The following PCDH15 variants were observed in gnomAD, a reference collection of about 807,000 sequenced individuals.
PCDH15 encodes the protein protocadherin related 15, also known as protocadherin-15.
PCDH15 carries 129 observed loss-of-function variants against 178.5 expected under a neutral mutation model. The observed-to-expected ratio is 0.72, with a 90% CI of 0.63 to 0.84. The LOEUF (loss-of-function observed/expected upper bound fraction) is 0.84. Among genes scored for constraint, PCDH15 ranks in the 40% least tolerant of loss-of-function variants. The probability of loss-of-function intolerance (pLI) is 0.00; values close to 1 mark genes in which losing one functional copy is unlikely to be tolerated. For missense variants in PCDH15, 2,230 were observed against 2,099.9 expected (o/e 1.06, Z -1.21); for synonymous variants, 800 against 732.0 (o/e 1.09, Z -1.50).
At chr10:54,874,039 G>T in intron 3 of PCDH15, among the ~76,000 whole-genome samples, 2 of 122,652 alleles carry the variant, frequency 1.6e-5, no homozygotes, top group Non-Finnish European at 1.7e-5. Flanking sequence ...AGTTACATAT[G>T]TATACATGTG....
Position 55,315,125 on chromosome 10 carries a change from A to G in PCDH15, c.-156+4474T>C, listed in dbSNP as rs569957431. On this transcript the variant is annotated intron_variant, in intron 1 of 5. Coordinates refer to the PCDH15 transcript ENST00000458638. ...AGTTAATATATATGTGAACATACTTATTTGTCATATACTTACTGTACTTTC... is the reference window on the plus strand; with the variant it reads ...AGTTAATATATATGTGAACATACTTGTTTGTCATATACTTACTGTACTTTC... Among the ~76,000 whole-genome samples the G allele has an allele frequency of 2.0e-5, 3 of 152,212 alleles. No individual in the cohort carries two copies. The South Asian group carries it at 6.2e-4, about 32-fold the overall frequency.
At chr10:55,383,367 G>A (rs1005116143) in intron 2 of PCDH15, among the ~76,000 whole-genome samples, 20 of 152,072 alleles carry the variant, frequency 1.3e-4, no homozygotes, top group African/African-American at 4.8e-4. Flanking sequence ...GGTTTTTATG[G>A]GTAGCGGATG....
chr10:54,210,954 T>C (rs776458696), intron 10 of PCDH15, among the ~76,000 whole-genome samples: 2 of 152,084 alleles, frequency 1.3e-5, no homozygotes, highest in Non-Finnish European at 2.9e-5. Context: ...TTTGAAGAAC[T>C]GAGAGACAGT....
intron 2 of PCDH15, among the ~76,000 whole-genome samples, chr10:54,618,773 T>C (rs2093264983): frequency 6.6e-6 from 1 of 151,596 alleles, no homozygotes; most frequent in Non-Finnish European, 1.5e-5. Flanking sequence ...ATTACAAAAG[T>C]ATGTGCCTTA....
chr10:54,024,778 C>T (rs180916354), intron 18 of PCDH15, among the ~76,000 whole-genome samples: 19 of 152,148 alleles, frequency 1.2e-4, no homozygotes, highest in Non-Finnish European at 2.1e-4. Flanking sequence ...ATTTGTCTTA[C>T]GAATTATTGA....
intron 1 of PCDH15, among the ~76,000 whole-genome samples, chr10:55,261,394 C>A (rs1353697417): frequency 2.6e-5 from 4 of 152,048 alleles, no homozygotes; most frequent in Non-Finnish European, 5.9e-5. Context: ...CATGTGTGGC[C>A]ATTCTTGTAC....
In PCDH15 at chr10:54,550,944, C is replaced by A. The variant is rs73260168; in HGVS notation, c.92-23067G>T. ...GCTGAGGTGGGAGGATCACTTGAGG[C>A]CAGGAGTTCATGACCAACCTGGCAA... On this transcript the variant is annotated intron_variant, in intron 2 of 37. Transcript: ENST00000644397. Among the ~76,000 whole-genome samples, 891 of 151,708 alleles carry A rather than the reference C, an allele frequency of 5.9e-3. 8 individuals carry two copies. Among genetic ancestry groups the A allele is most frequent in the African/African-American group, 0.02 (835 of 41,420 alleles).
Position 54,004,566 on chromosome 10 carries a change from A to C in PCDH15, c.2752-8801T>G, listed in dbSNP as rs185214620. On this transcript the variant is annotated intron_variant, in intron 20 of 37. Transcript: ENST00000644397. ...TAAAGTAATCCCATGTAAAACAGCT[A>C]CAATTAAAATAAAATACCTAGGAAT... 1.4e-3 allele frequency among the ~76,000 whole-genome samples: 210 copies of C among 152,196 alleles called. 3 individuals are homozygous for C. In the South Asian group the frequency reaches 0.019, roughly 14 times the overall value.
chr10:55,437,898 C>A (rs908568466), intron 2 of PCDH15, among the ~76,000 whole-genome samples: 1 of 131,036 alleles, frequency 7.6e-6, no homozygotes, highest in Admixed American at 8.9e-5. Flanking sequence ...AGTGCAATGG[C>A]GTGATCTCGG....
rs571079489 is a variant in PCDH15 at position 54,686,158 on chromosome 10, G to A, written c.-28-21868C>T. The stretch of plus-strand genomic sequence containing the variant: ...CCCCAAGTGCTGGGATTACAGGTGT[G>A]AGCCACCGCACTCGGCCAAGATAGC... On this transcript the variant is annotated intron_variant, in intron 1 of 37. Transcript: ENST00000644397. Among the ~76,000 whole-genome samples, 5 of 148,876 alleles carry A rather than the reference G, an allele frequency of 3.4e-5. No individual in the cohort carries two copies. The South Asian group carries it at 1.1e-3, about 31-fold the overall frequency.
chr10:54,243,442 G>A (rs757253225), intron 8 of PCDH15, among the ~76,000 whole-genome samples: 6 of 152,176 alleles, frequency 3.9e-5, no homozygotes, highest in Non-Finnish European at 8.8e-5. Context: ...GGGAGGCGGA[G>A]CTTGCAGTGA....
intron 2 of PCDH15, among the ~76,000 whole-genome samples, chr10:55,351,304 T>A (rs1844926424): frequency 6.6e-6 from 1 of 151,896 alleles, no homozygotes; most frequent in African/African-American, 2.4e-5. Flanking sequence ...TATTTGAAAT[T>A]GGCTTCAGAG....
intron 2 of PCDH15, among the ~76,000 whole-genome samples, chr10:54,986,623 C>G (rs1184453759): frequency 6.6e-6 from 1 of 152,112 alleles, no homozygotes; most frequent in Non-Finnish European, 1.5e-5. Flanking sequence ...AACTGAAGCT[C>G]AGAAAACTTT....
At chr10:55,233,557 T>C (rs921352151) in intron 1 of PCDH15, among the ~76,000 whole-genome samples, 1 of 152,092 alleles carries the variant, frequency 6.6e-6, no homozygotes, top group African/African-American at 2.4e-5. Flanking sequence ...CTTCATAAAA[T>C]GCACTGATTC....
intron 2 of PCDH15, among the ~76,000 whole-genome samples, chr10:55,611,549 T>G (rs1325034263): frequency 6.6e-6 from 1 of 151,992 alleles, no homozygotes; most frequent in African/African-American, 2.4e-5. Flanking sequence ...TGTAAAATGT[T>G]GATGGGAATG....
chr10:55,545,163 A>T (rs1841851077), intron 2 of PCDH15, among the ~76,000 whole-genome samples: 2 of 152,152 alleles, frequency 1.3e-5, no homozygotes, highest in South Asian at 4.1e-4. Flanking sequence ...TAAGTACCAC[A>T]GAACCAAAAT....
At chr10:55,573,078 C>T (rs1031572173) in intron 2 of PCDH15, among the ~76,000 whole-genome samples, 1 of 151,958 alleles carries the variant, frequency 6.6e-6, no homozygotes, top group African/African-American at 2.4e-5. Flanking sequence ...ACACCTGTTT[C>T]AAGATATGTA....
At chr10:53,910,947 A>T (rs1564747188) in intron 25 of PCDH15, among the ~76,000 whole-genome samples, 1 of 152,204 alleles carries the variant, frequency 6.6e-6, no homozygotes, top group African/African-American at 2.4e-5. Flanking sequence ...ACAAAGTGAA[A>T]AGAGAAGTTT....
intron 10 of PCDH15, among the ~76,000 whole-genome samples, chr10:54,213,283 C>A (rs777263824): frequency 6.6e-6 from 1 of 151,864 alleles, no homozygotes; most frequent in South Asian, 2.1e-4. Flanking sequence ...TGAAGTCCAT[C>A]GAAATTAATT....
Sources: gnomAD v4.1 joint callset for allele counts (sites outside exome capture counted in the v4.1 genomes callset) on GRCh38, gnomAD v4.1.1 for gene constraint, MANE v1.5 for transcripts, NCBI Gene and HGNC (gene_info 2026-07-23, HGNC 2026-07-21) for gene names.